PUDP: variants seen among roughly 807,000 people sequenced by gnomAD.
PUDP encodes the protein pseudouridine 5'-phosphatase, also known as pseudouridine-5'-phosphatase.
A neutral mutation model predicts 9.4 loss-of-function variants in PUDP; 8 were observed. The ratio of observed to expected loss-of-function variants is 0.85; its 90% CI spans 0.50 to 1.53. The LOEUF (loss-of-function observed/expected upper bound fraction) is 1.53. Ranked by LOEUF, PUDP falls within the 40% of genes most tolerant of loss-of-function variation. The probability of loss-of-function intolerance (pLI) is 0.00; values close to 1 mark genes in which losing one functional copy is unlikely to be tolerated. For missense variants in PUDP, 188 were observed against 189.7 expected, an observed-to-expected ratio of 0.99 and a Z score of 0.05; for synonymous variants, 99 against 80.7, an observed-to-expected ratio of 1.23 and a Z score of -1.22.
intron 3 of PUDP, among the ~76,000 whole-genome samples, chrX:6,750,371 T>C (rs762923227): frequency 1.8e-5 from 2 of 111,529 alleles, no homozygotes; most frequent in South Asian, 3.8e-4. Context: ...CCTTTGGAAA[T>C]AGGACTTTGG....
chrX:7,078,692 T>G (rs965124187), intron 2 of PUDP, among the ~76,000 whole-genome samples: 1 of 112,168 alleles, frequency 8.9e-6, no homozygotes, highest in Non-Finnish European at 1.9e-5. Flanking sequence ...ATCAACAGAC[T>G]CATTTTTTCC....
At chrX:6,935,057 A>G (rs1372190934) in intron 3 of PUDP, among the ~76,000 whole-genome samples, 1 of 87,828 alleles carries the variant, frequency 1.1e-5, no homozygotes, top group East Asian at 3.8e-4. Context: ...CCCCACTGTC[A>G]ACATTAGACA....
intron 3 of PUDP, among the ~76,000 whole-genome samples, chrX:7,060,757 G>A (rs1163591863): frequency 7.1e-5 from 8 of 112,674 alleles, no homozygotes; most frequent in South Asian, 3.7e-4. Flanking sequence ...TGTAAATAAC[G>A]ACAGATGAGG....
At chrX:6,851,870 T>C (rs972547429) in intron 3 of PUDP, among the ~76,000 whole-genome samples, 2 of 111,838 alleles carry the variant, frequency 1.8e-5, no homozygotes, top group African/African-American at 6.5e-5. Context: ...CATGCAATGA[T>C]GGAGTGATAC....
chrX:6,816,239 T>C (rs1326538497), intron 3 of PUDP, among the ~76,000 whole-genome samples: 2 of 106,079 alleles, frequency 1.9e-5, no homozygotes, highest in Non-Finnish European at 3.9e-5. Context: ...ATGCATAGTA[T>C]AGTATATGCA....
intron 3 of PUDP, among the ~76,000 whole-genome samples, chrX:6,911,200 C>CTT (rs35067802): frequency 9.0e-5 from 9 of 100,383 alleles, no homozygotes; most frequent in African/African-American, 2.9e-4. Context: ...TTTTCTTTTT[C>CTT]TTTTTTTTTT....
chrX:7,127,681 T>C (rs910714014), intron 1 of PUDP, among the ~76,000 whole-genome samples: 3 of 112,588 alleles, frequency 2.7e-5, no homozygotes, highest in Non-Finnish European at 5.6e-5. Context: ...TGTTACTTAT[T>C]ATTTTATTAC....
chrX:6,754,700 T>C lies in PUDP; in HGVS notation c.*248-48234A>G, dbSNP rs777806590. 1.5e-3 allele frequency among the ~76,000 whole-genome samples: 166 copies of C among 110,039 alleles called. 1 individual carries two copies. Among genetic ancestry groups the C allele is most frequent in the African/African-American group, 5.3e-3 (161 of 30,465 alleles). On this transcript the variant is annotated intron_variant and NMD_transcript_variant, in intron 3 of 3. Coordinates refer to the PUDP transcript ENST00000655425. The stretch of plus-strand genomic sequence containing the variant: ...TTTAGCACATTATATATTATAGATA[T>C]ATGAATTATATATAGTGGATCCTCA...
chrX:7,126,830 TA>T (rs780661466), intron 1 of PUDP, among the ~76,000 whole-genome samples: 10 of 111,610 alleles, frequency 9.0e-5, no homozygotes, highest in Non-Finnish European at 1.3e-4. Context: ...TTTTAATTTT[TA>T]TTTTTTTATA....
chrX:6,950,398 A>G (rs1490091671), intron 3 of PUDP, among the ~76,000 whole-genome samples: 1 of 93,220 alleles, frequency 1.1e-5, no homozygotes. Flanking sequence ...CTCATCAGTT[A>G]GTCATTTCTT....
intron 1 of PUDP, among the ~76,000 whole-genome samples, chrX:7,002,710 C>T (rs938319115): frequency 1.8e-5 from 2 of 111,209 alleles, no homozygotes; most frequent in Admixed American, 1.9e-4. Context: ...AGAAGAGAGG[C>T]AGCGCCAGGA....
intron 3 of PUDP, among the ~76,000 whole-genome samples, chrX:6,864,465 C>T (rs183422731): frequency 8.9e-6 from 1 of 111,942 alleles, no homozygotes; most frequent in Non-Finnish European, 1.9e-5. Flanking sequence ...CCCTATTTCC[C>T]ACTCACTGTA....
intron 1 of PUDP, among the ~76,000 whole-genome samples, chrX:6,984,622 C>A (rs1929080748): frequency 9.0e-6 from 1 of 111,283 alleles, no homozygotes; most frequent in African/African-American, 3.3e-5. Context: ...ACACCCAGAG[C>A]CAGCCACCAC....
At chrX:6,932,958 G>C (rs1231014488) in intron 3 of PUDP, among the ~76,000 whole-genome samples, 6 of 109,692 alleles carry the variant, frequency 5.5e-5, no homozygotes, top group Non-Finnish European at 1.1e-4. Flanking sequence ...GGTAAACAAA[G>C]CAGCCGGGAA....
chrX:6,945,958 G>A (rs111614464), intron 3 of PUDP, among the ~76,000 whole-genome samples: 7,273 of 110,733 alleles, frequency 0.066, 578 homozygotes, highest in African/African-American at 0.22. Context: ...CCCATCCCTC[G>A]CTAACCACCA....
intron 2 of PUDP, among the ~76,000 whole-genome samples, chrX:7,082,414 A>G (rs987121906): frequency 8.9e-6 from 1 of 112,497 alleles, no homozygotes. Flanking sequence ...TACAAGCCTG[A>G]ACATTCTCTG....
intron 3 of PUDP, among the ~76,000 whole-genome samples, chrX:6,857,132 C>CA (rs1305834477): frequency 8.9e-6 from 1 of 111,879 alleles, no homozygotes; most frequent in Non-Finnish European, 1.9e-5. Context: ...TTTATTTGTT[C>CA]AAAAAAAGCA....
intron 2 of PUDP, among the ~76,000 whole-genome samples, chrX:7,101,082 A>G (rs892522202): frequency 9.0e-6 from 1 of 111,611 alleles, no homozygotes; most frequent in African/African-American, 3.3e-5. Flanking sequence ...ATTTCTGTAT[A>G]CTCTTCAAGT....
intron 3 of PUDP, among the ~76,000 whole-genome samples, chrX:6,863,390 T>C (rs1229942179): frequency 8.9e-6 from 1 of 112,262 alleles, no homozygotes; most frequent in Non-Finnish European, 1.9e-5. Flanking sequence ...ACTGGAGATA[T>C]CAGATTGTAA....
Sources: allele counts gnomAD v4.1 joint callset (sites outside exome capture counted in the v4.1 genomes callset), GRCh38; gene constraint gnomAD v4.1.1; transcripts MANE v1.5; gene names NCBI Gene and HGNC (gene_info 2026-07-23, HGNC 2026-07-21).